The following DIAPH2 variants were observed in gnomAD, a reference collection of about 807,000 sequenced individuals.
DIAPH2 encodes the protein diaphanous related formin 2, also known as protein diaphanous homolog 2.
Under a neutral mutation model 92.7 loss-of-function variants are expected in DIAPH2, and 35 were observed. The observed-to-expected ratio is 0.38, with a 90% CI of 0.29 to 0.50. The LOEUF is 0.50. Ranked by LOEUF, DIAPH2 falls within the 20% of genes least tolerant of loss-of-function variation. The pLI is 0.94. For synonymous variants in DIAPH2, 301 were observed against 280.4 expected, an observed-to-expected ratio of 1.07 and a Z score of -0.73; for missense variants, 701 against 819.5, an observed-to-expected ratio of 0.86 and a Z score of 1.77.
chrX:97,391,308 G>C (rs2069656944), intron 25 of DIAPH2, among the ~76,000 whole-genome samples: 1 of 111,376 alleles, frequency 9.0e-6, no homozygotes, highest in Admixed American at 9.6e-5. Context: ...TATCATATGT[G>C]AATCCATGGG....
intron 25 of DIAPH2, among the ~76,000 whole-genome samples, chrX:97,419,975 TATTA>T (rs887659719): frequency 3.6e-5 from 4 of 111,779 alleles, no homozygotes; most frequent in Non-Finnish European, 5.6e-5. Flanking sequence ...CTCTTTGAAA[TATTA>T]ATTATTTAAA....
At chrX:97,104,087 A>G (rs949387533) in intron 20 of DIAPH2, among the ~76,000 whole-genome samples, 3 of 111,743 alleles carry the variant, frequency 2.7e-5, no homozygotes, top group Non-Finnish European at 3.8e-5. Flanking sequence ...TTTCCTTTCT[A>G]GAAATCATCC....
At chrX:97,196,787 C>CA (rs201966329) in intron 22 of DIAPH2, among the ~76,000 whole-genome samples, 135 of 102,741 alleles carry the variant, frequency 1.3e-3, no homozygotes, top group Middle Eastern at 4.9e-3. Context: ...TCTTTTTTTT[C>CA]GGTTTTTTTT....
chrX:97,367,644 C>T (rs2069393916), intron 24 of DIAPH2, among the ~76,000 whole-genome samples: 1 of 110,409 alleles, frequency 9.1e-6, no homozygotes, highest in Admixed American at 9.6e-5. Flanking sequence ...GAAACATATA[C>T]CTATAGAGCC....
chrX:97,313,885 C>T (rs752269643), intron 23 of DIAPH2, among the ~76,000 whole-genome samples: 1 of 110,071 alleles, frequency 9.1e-6, no homozygotes, highest in East Asian at 2.9e-4. Flanking sequence ...AGTGATCCAC[C>T]CGCCTCGGCT....
intron 3 of DIAPH2, among the ~76,000 whole-genome samples, chrX:96,749,139 A>AT (rs1207616389): frequency 1.9e-4 from 15 of 78,977 alleles, no homozygotes; most frequent in African/African-American, 8.3e-4. Flanking sequence ...AAAAAAAAAA[A>AT]AAAAAAATAT....
At chrX:97,346,699 G>A (rs1282917104) in intron 23 of DIAPH2, among the ~76,000 whole-genome samples, 1 of 111,170 alleles carries the variant, frequency 9.0e-6, no homozygotes, top group Non-Finnish European at 1.9e-5. Flanking sequence ...AGGCAAAGGG[G>A]GTATGATCTA....
intron 22 of DIAPH2, among the ~76,000 whole-genome samples, chrX:97,214,326 G>A (rs2067864656): frequency 9.0e-6 from 1 of 111,291 alleles, no homozygotes; most frequent in African/African-American, 3.3e-5. Context: ...AATGTCAACA[G>A]GTCATGGTGG....
intron 17 of DIAPH2, among the ~76,000 whole-genome samples, chrX:96,987,005 A>T (rs781404081): frequency 4.7e-4 from 52 of 111,239 alleles, no homozygotes; most frequent in East Asian, 1.1e-3. Context: ...CAAAGATAAA[A>T]TTTTTTTTAC....
intron 17 of DIAPH2, among the ~76,000 whole-genome samples, chrX:97,052,097 G>A (rs974590064): frequency 9.0e-6 from 1 of 111,292 alleles, no homozygotes; most frequent in Non-Finnish European, 1.9e-5. Context: ...AATAAGACGT[G>A]TTCAACTATA....
intron 23 of DIAPH2, among the ~76,000 whole-genome samples, chrX:97,321,556 T>C (rs868052012): frequency 0.014 from 1,270 of 89,580 alleles, 19 homozygotes; most frequent in African/African-American, 0.049. Flanking sequence ...TTTTTTTTTT[T>C]TTTTTTTTTT....
chrX:97,220,507 C>A (rs1004650550), intron 22 of DIAPH2, among the ~76,000 whole-genome samples: 2 of 111,781 alleles, frequency 1.8e-5, no homozygotes, highest in South Asian at 7.5e-4. Flanking sequence ...TCTGCTCCCC[C>A]ACCACCCCAT....
chrX:97,496,560 TA>T (rs2070759830), intron 26 of DIAPH2, among the ~76,000 whole-genome samples: 1 of 111,244 alleles, frequency 9.0e-6, no homozygotes, highest in African/African-American at 3.3e-5. Flanking sequence ...TCACATTAGG[TA>T]ACACAATGAA....
At chrX:97,404,087 A>C (rs1451323801) in intron 25 of DIAPH2, among the ~76,000 whole-genome samples, 1 of 110,824 alleles carries the variant, frequency 9.0e-6, no homozygotes, top group Non-Finnish European at 1.9e-5. Context: ...TCCCGACCTC[A>C]GGTGATCTGC....
At chrX:96,708,581 C>CTA in intron 1 of DIAPH2, among the ~76,000 whole-genome samples, 1 of 111,775 alleles carries the variant, frequency 8.9e-6, no homozygotes, top group Non-Finnish European at 1.9e-5. Flanking sequence ...AGTGTACCTA[C>CTA]CTCTTCCCAA....
At chrX:97,076,995 T>C (rs2066709473) in intron 19 of DIAPH2, among the ~76,000 whole-genome samples, 2 of 111,857 alleles carry the variant, frequency 1.8e-5, no homozygotes, top group South Asian at 7.5e-4. Context: ...CTTACCCTGT[T>C]TGATCAAAAC....
intron 4 of DIAPH2, among the ~76,000 whole-genome samples, chrX:96,796,769 T>C (rs1219579002): frequency 3.6e-5 from 4 of 112,033 alleles, no homozygotes; most frequent in Non-Finnish European, 7.5e-5. Context: ...CTTGTATATA[T>C]GTTATAGGTC....
At chrX:97,182,625 A>G (rs1466625691) in intron 22 of DIAPH2, among the ~76,000 whole-genome samples, 1 of 111,806 alleles carries the variant, frequency 8.9e-6, no homozygotes, top group African/African-American at 3.3e-5. Context: ...AGGAAGAAAG[A>G]CTCAACAGTA....
chrX:96,878,707 A>G (rs1408430697), intron 4 of DIAPH2, among the ~76,000 whole-genome samples: 1 of 111,226 alleles, frequency 9.0e-6, no homozygotes, highest in Non-Finnish European at 1.9e-5. Flanking sequence ...CCATAACCAT[A>G]TGTCCCAATT....
Sources: gnomAD v4.1 joint callset for allele counts (sites outside exome capture counted in the v4.1 genomes callset) on GRCh38, gnomAD v4.1.1 for gene constraint, MANE v1.5 for transcripts, NCBI Gene and HGNC (gene_info 2026-07-23, HGNC 2026-07-21) for gene names.